EXOC6: variants seen among roughly 807,000 people sequenced by gnomAD.
The protein encoded by EXOC6 is exocyst complex component 6.
In EXOC6, 60 loss-of-function variants were observed where a neutral mutation model predicts 112.5. The observed-to-expected ratio is 0.53, with a 90% CI of 0.43 to 0.66. The LOEUF (loss-of-function observed/expected upper bound fraction) is 0.66. EXOC6 is among the 30% of genes least tolerant of loss of function. EXOC6 has a pLI of 0.00. For synonymous variants in EXOC6, 295 were observed against 308.0 expected (o/e 0.96, Z 0.44); for missense variants, 855 against 957.1 (o/e 0.89, Z 1.41).
intron 14 of EXOC6, among the ~76,000 whole-genome samples, chr10:92,948,735 A>G (rs1227241112): frequency 6.6e-6 from 1 of 152,110 alleles, no homozygotes; most frequent in Non-Finnish European, 1.5e-5. Flanking sequence ...ATTCCAAATG[A>G]AAAGTAGATT....
intron 1 of EXOC6, among the ~76,000 whole-genome samples, chr10:92,875,538 A>G (rs1488449545): frequency 6.6e-6 from 1 of 152,214 alleles, no homozygotes; most frequent in Non-Finnish European, 1.5e-5. Flanking sequence ...ATATCTCATG[A>G]ATTCCTACTG....
At chr10:92,944,688 C>T (rs1399770495) in intron 13 of EXOC6, among the ~76,000 whole-genome samples, 1 of 152,120 alleles carries the variant, frequency 6.6e-6, no homozygotes, top group Non-Finnish European at 1.5e-5. Context: ...TGCAAAGGTT[C>T]CCTTTCTCCA....
intron 4 of EXOC6, among the ~76,000 whole-genome samples, chr10:92,898,596 T>C (rs1212057280): frequency 6.6e-6 from 1 of 152,164 alleles, no homozygotes; most frequent in African/African-American, 2.4e-5. Flanking sequence ...TTTATACTTA[T>C]TGCAGCAGGC....
chr10:92,990,091 G>A (rs1434822133), intron 18 of EXOC6, among the ~76,000 whole-genome samples: 1 of 151,912 alleles, frequency 6.6e-6, no homozygotes, highest in Non-Finnish European at 1.5e-5. Flanking sequence ...TGAAAAATTT[G>A]GAAATAGTCA....
chr10:92,973,265 A>G (rs953124317), intron 17 of EXOC6, among the ~76,000 whole-genome samples: 9 of 152,356 alleles, frequency 5.9e-5, no homozygotes, highest in East Asian at 1.9e-4. Flanking sequence ...CTGGCAAGCT[A>G]TAGGTTTCCA....
At chr10:92,997,287 A>C (rs1286890396) in intron 18 of EXOC6, among the ~76,000 whole-genome samples, 187 bp from the exon 19 acceptor site, 1 of 152,204 alleles carries the variant, frequency 6.6e-6, no homozygotes. Context: ...AACTAAGAAT[A>C]TTAATGTTAA....
rs1053216402 is a variant in EXOC6 at position 92,952,330 on chromosome 10, G to A, written c.1474G>A (p.Val492Ile). ...GTCAGTGCCTCATATTTACATTCAAGTTAAAGAATTTATTTATGCCAGCCT... is the reference window on the plus strand; with the variant it reads ...GTCAGTGCCTCATATTTACATTCAAATTAAAGAATTTATTTATGCCAGCCT... ...SQSVPHIYIQVKEFIYASLKF... is the reference protein window; with the variant it reads ...SQSVPHIYIQIKEFIYASLKF... The change falls in exon 15 of 22, where the codon GTT becomes ATT. Residue 492 changes from valine to isoleucine, a missense_variant. Coordinates refer to ENST00000260762, the MANE Select transcript of EXOC6 (RefSeq NM_019053.6). 1.2e-6 allele frequency: 2 copies of A among 1,612,976 alleles called. No homozygotes were observed. The highest frequency in any genetic ancestry group is 4.5e-5 in the East Asian group (2 of 44,812).
At chr10:92,989,110 C>A (rs559869200) in intron 18 of EXOC6, among the ~76,000 whole-genome samples, 1 of 152,162 alleles carries the variant, frequency 6.6e-6, no homozygotes, top group African/African-American at 2.4e-5. Context: ...GTAGAACTTA[C>A]ACCTCTTATG....
chr10:92,923,576 A>G (rs1192822810), intron 8 of EXOC6, among the ~76,000 whole-genome samples: 1 of 152,208 alleles, frequency 6.6e-6, no homozygotes, highest in African/African-American at 2.4e-5. Flanking sequence ...GTTCCTTGCC[A>G]CATGGAGTGT....
intron 20 of EXOC6, among the ~76,000 whole-genome samples, chr10:93,044,921 G>A (rs771045274): frequency 6.6e-6 from 1 of 152,144 alleles, no homozygotes; most frequent in Non-Finnish European, 1.5e-5. Flanking sequence ...TGTCCAGGCT[G>A]GAGTGCAGTG....
At chr10:93,018,682 C>A (rs1394184564) in intron 20 of EXOC6, among the ~76,000 whole-genome samples, 1 of 151,586 alleles carries the variant, frequency 6.6e-6, no homozygotes, top group Non-Finnish European at 1.5e-5. Flanking sequence ...TTGTTTTGAT[C>A]CCAATTCAGA....
intron 11 of EXOC6, among the ~76,000 whole-genome samples, chr10:92,935,055 T>G (rs760636220): frequency 6.6e-6 from 1 of 151,942 alleles, no homozygotes; most frequent in Non-Finnish European, 1.5e-5. Flanking sequence ...TACTTAAAAT[T>G]TTGTCTATTT....
intron 5 of EXOC6, among the ~76,000 whole-genome samples, chr10:92,905,232 T>C (rs1266667785): frequency 6.6e-6 from 1 of 152,072 alleles, no homozygotes; most frequent in Non-Finnish European, 1.5e-5. Context: ...TTCAACTTTG[T>C]TCTTCAATAT....
chr10:92,888,639 GTTTA>G (rs1849349839), intron 1 of EXOC6, among the ~76,000 whole-genome samples: 1 of 152,060 alleles, frequency 6.6e-6, no homozygotes. Context: ...GGTGTATTTT[GTTTA>G]TTATTTGGTA....
intron 20 of EXOC6, among the ~76,000 whole-genome samples, chr10:93,030,151 G>A (rs969487814): frequency 2.6e-5 from 4 of 152,078 alleles, no homozygotes; most frequent in African/African-American, 9.7e-5. Context: ...CAGGTGATCT[G>A]CCTGCCTCGA....
At chr10:93,039,545 C>G (rs1312932061) in intron 20 of EXOC6, among the ~76,000 whole-genome samples, 2 of 152,224 alleles carry the variant, frequency 1.3e-5, no homozygotes, top group African/African-American at 2.4e-5. Context: ...GGCTTCTCTT[C>G]CCTTTTGAAA....
At chr10:92,859,385 G>C (rs1847787732) in intron 1 of EXOC6, among the ~76,000 whole-genome samples, 1 of 152,134 alleles carries the variant, frequency 6.6e-6, no homozygotes, top group Non-Finnish European at 1.5e-5. Flanking sequence ...TTGACTTTCT[G>C]TTTTCCTGAC....
chr10:92,888,678 ACTTTTAAT>A (rs1257725963), intron 1 of EXOC6, among the ~76,000 whole-genome samples: 3 of 152,184 alleles, frequency 2.0e-5, no homozygotes, highest in Non-Finnish European at 4.4e-5. Flanking sequence ...TAAATGTCCA[ACTTTTAAT>A]AAAATGTGTT....
intron 9 of EXOC6, among the ~76,000 whole-genome samples, chr10:92,929,096 C>G (rs1851879465): frequency 6.6e-6 from 1 of 152,128 alleles, no homozygotes; most frequent in Non-Finnish European, 1.5e-5. Flanking sequence ...CAGAGCCCAC[C>G]CAAAGTAGGT....
Sources: allele counts gnomAD v4.1 joint callset (sites outside exome capture counted in the v4.1 genomes callset), GRCh38; gene constraint gnomAD v4.1.1; transcripts MANE v1.5; gene names NCBI Gene and HGNC (gene_info 2026-07-23, HGNC 2026-07-21).